The following COL5A2 variants were observed in gnomAD, a reference collection of about 807,000 sequenced individuals.
The protein encoded by COL5A2 is collagen type V alpha 2 chain.
Under a neutral mutation model 208.2 loss-of-function variants are expected in COL5A2, and 23 were observed. That is an observed-to-expected ratio of 0.11 (90% confidence interval 0.08 to 0.16). The LOEUF is 0.16. Ranked by LOEUF, COL5A2 falls within the 10% of genes least tolerant of loss-of-function variation. COL5A2 has a pLI of 1.00. For missense variants in COL5A2, 1,590 were observed against 1,956.4 expected, an observed-to-expected ratio of 0.81 and a Z score of 3.53; for synonymous variants, 625 against 628.5, an observed-to-expected ratio of 0.99 and a Z score of 0.08.
intron 1 of COL5A2, among the ~76,000 whole-genome samples, chr2:189,154,668 G>T (rs1018505214): frequency 1.3e-5 from 2 of 152,098 alleles, no homozygotes; most frequent in East Asian, 3.9e-4. Flanking sequence ...ATGAAATCTC[G>T]CTAGGTTGCC....
At chr2:189,350,275 A>G in the COL5A2 span, among the ~76,000 whole-genome samples, 1 of 152,192 alleles carries the variant, frequency 6.6e-6, no homozygotes. Context: ...GATCAGAAAG[A>G]CACAGAAGTA....
intron 21 of COL5A2, 82 bp downstream of exon 21, chr2:189,067,933 T>C: frequency 8.9e-7 from 1 of 1,129,688 alleles, no homozygotes. Context: ...CTATGTTTCA[T>C]TGCATCACAT....
the COL5A2 span, among the ~76,000 whole-genome samples, chr2:189,276,780 A>C: frequency 1.3e-5 from 2 of 152,118 alleles, no homozygotes; most frequent in Non-Finnish European, 2.9e-5. Context: ...TCTCTTTTGC[A>C]ATGATGTATT....
chr2:189,199,994 G>A (rs184939594), intron 1 of COL5A2, among the ~76,000 whole-genome samples: 3 of 152,296 alleles, frequency 2.0e-5, no homozygotes, highest in Non-Finnish European at 2.9e-5. Context: ...TGAGGTCAGG[G>A]CACTGATTCT....
chr2:189,264,140 T>G, the COL5A2 span, among the ~76,000 whole-genome samples: 42 of 152,100 alleles, frequency 2.8e-4, no homozygotes, highest in Non-Finnish European at 4.7e-4. Flanking sequence ...AGAAAATACG[T>G]GTGTAAGATA....
At chr2:189,229,631 C>G (rs115124021), upstream of COL5A2, among the ~76,000 whole-genome samples, 859 of 151,380 alleles carry the variant, frequency 5.7e-3, 15 homozygotes, top group African/African-American at 0.02. Flanking sequence ...ACTGAGGGAC[C>G]AAAAGACTTG....
At chr2:189,091,859 A>G (rs1686793314) in intron 7 of COL5A2, among the ~76,000 whole-genome samples, 1 of 152,184 alleles carries the variant, frequency 6.6e-6, no homozygotes, top group Non-Finnish European at 1.5e-5. Context: ...AAAATTGAAG[A>G]AATAATTAGG....
At chr2:189,303,817 CT>C in the COL5A2 span, among the ~76,000 whole-genome samples, 1 of 152,112 alleles carries the variant, frequency 6.6e-6, no homozygotes, top group Non-Finnish European at 1.5e-5. Flanking sequence ...GCCACTTTAC[CT>C]TTTTTGTCCA....
In COL5A2 at chr2:189,159,310, C is replaced by A. The variant is rs1196347310; in HGVS notation, c.97+20198G>T. Among the ~76,000 whole-genome samples, 6 of 152,298 alleles carry A rather than the reference C, an allele frequency of 3.9e-5. No individual in the cohort carries two copies. The East Asian group carries it at 1.2e-3, about 29-fold the overall frequency. On this transcript the variant is annotated intron_variant, in intron 1 of 53. Coordinates refer to ENST00000374866, the MANE Select transcript of COL5A2 (RefSeq NM_000393.5). Reference sequence around the variant, plus strand: ...GGAATCTATAGCTAATTGTATCTCTCATATTAGGTATCTAAGTAAGCCCAC... The same window carrying A: ...GGAATCTATAGCTAATTGTATCTCTAATATTAGGTATCTAAGTAAGCCCAC...
At chr2:189,279,860 A>T in the COL5A2 span, among the ~76,000 whole-genome samples, 1 of 152,176 alleles carries the variant, frequency 6.6e-6, no homozygotes, top group Non-Finnish European at 1.5e-5. Context: ...TATAAACTGA[A>T]TATCTGTGCC....
chr2:189,233,160 A>C, the COL5A2 span, among the ~76,000 whole-genome samples: 124 of 151,810 alleles, frequency 8.2e-4, no homozygotes, highest in African/African-American at 2.9e-3. Flanking sequence ...ATCAATACAT[A>C]TGGTCATTAT....
the COL5A2 span, among the ~76,000 whole-genome samples, chr2:189,407,672 T>C: frequency 6.6e-6 from 1 of 152,246 alleles, no homozygotes; most frequent in East Asian, 1.9e-4. Flanking sequence ...CCTCTGTTCA[T>C]GAATCACCTA....
chr2:189,194,446 A>G (rs924954997), intron 1 of COL5A2, among the ~76,000 whole-genome samples: 2 of 152,220 alleles, frequency 1.3e-5, no homozygotes, highest in African/African-American at 2.4e-5. Context: ...TACATTTTAC[A>G]TGTGATCTCT....
At chr2:189,149,155 T>G (rs1688097507) in intron 1 of COL5A2, among the ~76,000 whole-genome samples, 1 of 152,092 alleles carries the variant, frequency 6.6e-6, no homozygotes, top group Non-Finnish European at 1.5e-5. Context: ...ATAAAAGTTT[T>G]GAAAAATGAA....
intron 1 of COL5A2, among the ~76,000 whole-genome samples, chr2:189,113,662 A>G (rs1427895895): frequency 6.7e-6 from 1 of 149,060 alleles, no homozygotes; most frequent in African/African-American, 2.4e-5. Flanking sequence ...TAAATCTTGA[A>G]GGAGCCATAG....
the COL5A2 span, among the ~76,000 whole-genome samples, chr2:189,306,650 A>G: frequency 2.0e-5 from 3 of 152,352 alleles, no homozygotes; most frequent in South Asian, 6.2e-4. Flanking sequence ...TGTTTTTATT[A>G]CCCAACAAGT....
intron 18 of COL5A2, 41 bp from the exon 19 acceptor site, chr2:189,068,925 C>T (rs771819150): frequency 1.4e-5 from 19 of 1,337,186 alleles, no homozygotes; most frequent in Middle Eastern, 4.0e-4. Flanking sequence ...AAGAAAAATA[C>T]GAGAGTGGCA....
chr2:189,101,831 T>A (rs984733656), intron 3 of COL5A2, among the ~76,000 whole-genome samples: 1 of 151,948 alleles, frequency 6.6e-6, no homozygotes, highest in Non-Finnish European at 1.5e-5. Flanking sequence ...TTCTATAGGG[T>A]AAGTTCAAGA....
At chr2:189,358,088 G>C in the COL5A2 span, among the ~76,000 whole-genome samples, 1 of 152,038 alleles carries the variant, frequency 6.6e-6, no homozygotes, top group East Asian at 1.9e-4. Flanking sequence ...AGATAAACCG[G>C]GTACCTCAGT....
Sources: allele counts gnomAD v4.1 joint callset (sites outside exome capture counted in the v4.1 genomes callset), GRCh38; gene constraint gnomAD v4.1.1; transcripts MANE v1.5; gene names NCBI Gene and HGNC (gene_info 2026-07-23, HGNC 2026-07-21).